The following NFIB variants were observed in gnomAD, a reference collection of about 807,000 sequenced individuals.
NFIB encodes nuclear factor I B.
In NFIB, 11 loss-of-function variants were observed where a neutral mutation model predicts 61.5. The ratio of observed to expected loss-of-function variants is 0.18; its 90% CI spans 0.11 to 0.30. NFIB has a LOEUF of 0.30. NFIB is among the 10% of genes least tolerant of loss of function. NFIB has a pLI of 1.00. For missense variants in NFIB, 471 were observed against 608.9 expected, an observed-to-expected ratio of 0.77 and a Z score of 2.38; for synonymous variants, 260 against 216.5, an observed-to-expected ratio of 1.20 and a Z score of -1.76.
chr9:14,447,805 A>G, the NFIB span, among the ~76,000 whole-genome samples: 302 of 152,250 alleles, frequency 2.0e-3, 1 homozygote, highest in African/African-American at 6.7e-3. Flanking sequence ...ACAAGAGTTC[A>G]TGTTCATTTG....
chr9:14,320,173 C>T (rs981958899), intron 1 of NFIB, among the ~76,000 whole-genome samples: 1 of 152,180 alleles, frequency 6.6e-6, no homozygotes, highest in African/African-American at 2.4e-5. Context: ...GGACCTCAAA[C>T]AATGAAACCG....
At chr9:14,435,768 G>A in the NFIB span, among the ~76,000 whole-genome samples, 1 of 152,200 alleles carries the variant, frequency 6.6e-6, no homozygotes, top group Non-Finnish European at 1.5e-5. Context: ...CCGAGCTCAA[G>A]TTCTGCTCTG....
At chr9:14,128,418 C>A (rs1285366857) in intron 6 of NFIB, among the ~76,000 whole-genome samples, 3 of 152,024 alleles carry the variant, frequency 2.0e-5, no homozygotes, top group Non-Finnish European at 2.9e-5. Flanking sequence ...ATAATTTAGG[C>A]CGGGTGCAGT....
intron 2 of NFIB, among the ~76,000 whole-genome samples, chr9:14,267,370 A>T (rs144345489): frequency 5.1e-4 from 77 of 152,340 alleles, no homozygotes; most frequent in African/African-American, 1.6e-3. Flanking sequence ...CTTTCTGATA[A>T]TTATGAAAGG....
chr9:14,266,338 C>T (rs950791013), intron 2 of NFIB, among the ~76,000 whole-genome samples: 18 of 151,938 alleles, frequency 1.2e-4, no homozygotes, highest in African/African-American at 4.3e-4. Flanking sequence ...CACCTGTAAT[C>T]CCAGCACTTT....
intron 10 of NFIB, among the ~76,000 whole-genome samples, chr9:14,097,566 G>A (rs1325130156): frequency 6.6e-6 from 1 of 152,044 alleles, no homozygotes; most frequent in Admixed American, 6.6e-5. Context: ...TATTACCTAA[G>A]GACATACTGC....
chr9:14,115,874 A>G (rs576440354), intron 9 of NFIB, among the ~76,000 whole-genome samples: 1 of 152,350 alleles, frequency 6.6e-6, no homozygotes, highest in Admixed American at 6.5e-5. Flanking sequence ...AAAACTTTGT[A>G]TTCTGCGTTA....
At chr9:14,116,474 C>G in intron 8 of NFIB, 128 bp from the exon 9 acceptor site, 1 of 982,050 alleles carries the variant, frequency 1.0e-6, no homozygotes, top group Non-Finnish European at 1.4e-6. Context: ...CAGGCCCTCT[C>G]GAGTCGGAGT....
At chr9:14,150,318 T>C (rs1253375327) in intron 4 of NFIB, 53 bp from the exon 5 acceptor site, 2 of 1,608,522 alleles carry the variant, frequency 1.2e-6, no homozygotes, top group Admixed American at 3.4e-5. Context: ...TTCTGACCTC[T>C]ATTCAAATGT....
intron 2 of NFIB, among the ~76,000 whole-genome samples, chr9:14,298,632 G>T (rs1210532450): frequency 6.6e-6 from 1 of 152,128 alleles, no homozygotes; most frequent in African/African-American, 2.4e-5. Context: ...AGAAGACGTA[G>T]CTACTGCAGA....
At chr9:14,426,019 C>G in the NFIB span, among the ~76,000 whole-genome samples, 1 of 152,122 alleles carries the variant, frequency 6.6e-6, no homozygotes, top group Non-Finnish European at 1.5e-5. Context: ...CTTACCTCTT[C>G]CATCTCTATT....
At chr9:14,443,505 T>G in the NFIB span, among the ~76,000 whole-genome samples, 11 of 152,246 alleles carry the variant, frequency 7.2e-5, no homozygotes, top group East Asian at 2.1e-3. Context: ...TTCCTCAAGC[T>G]TCATGAGCCA....
At chr9:14,140,783 A>C (rs1469122363) in intron 6 of NFIB, among the ~76,000 whole-genome samples, 1 of 152,102 alleles carries the variant, frequency 6.6e-6, no homozygotes, top group Non-Finnish European at 1.5e-5. Context: ...AAAATTTAAA[A>C]ATTAGCTGGG....
At chr9:14,288,182 C>G (rs1375920474) in intron 2 of NFIB, among the ~76,000 whole-genome samples, 3 of 151,846 alleles carry the variant, frequency 2.0e-5, no homozygotes, top group Admixed American at 6.6e-5. Context: ...AATTTTGATT[C>G]AAGATTATAT....
chr9:14,119,347 T>C (rs928136075), intron 8 of NFIB, among the ~76,000 whole-genome samples: 6 of 152,166 alleles, frequency 3.9e-5, no homozygotes, highest in Non-Finnish European at 7.4e-5. Context: ...AATTCAAAAT[T>C]CAATATTGAG....
At chr9:14,123,717 T>A (rs991712674) in intron 7 of NFIB, among the ~76,000 whole-genome samples, 3 of 152,068 alleles carry the variant, frequency 2.0e-5, no homozygotes, top group Non-Finnish European at 2.9e-5. Flanking sequence ...TTGCCCCTTT[T>A]CTTCCTAGTT....
the NFIB span, among the ~76,000 whole-genome samples, chr9:14,439,533 G>A: frequency 5.3e-5 from 8 of 152,222 alleles, no homozygotes; most frequent in African/African-American, 1.4e-4. Flanking sequence ...CTTAGTAAGT[G>A]CTTAATAAAT....
chr9:14,477,141 T>C, the NFIB span, among the ~76,000 whole-genome samples: 1 of 152,172 alleles, frequency 6.6e-6, no homozygotes, highest in Non-Finnish European at 1.5e-5. Context: ...GTTCCCCATA[T>C]GACATTCCAT....
chr9:14,300,295 T>C, intron 2 of NFIB: 1 of 398,276 alleles, frequency 2.5e-6, no homozygotes, highest in Non-Finnish European at 4.4e-6. Context: ...GCATAACCAC[T>C]AGTCCTTGAG....
Sources: gnomAD v4.1 joint callset for allele counts (sites outside exome capture counted in the v4.1 genomes callset) on GRCh38, gnomAD v4.1.1 for gene constraint, MANE v1.5 for transcripts, NCBI Gene and HGNC (gene_info 2026-07-23, HGNC 2026-07-21) for gene names.